KDM4C: variants seen among roughly 807,000 people sequenced by gnomAD.
KDM4C encodes the protein lysine demethylase 4C.
In KDM4C, 81 loss-of-function variants were observed where a neutral mutation model predicts 129.3. The observed-to-expected ratio is 0.63, with a 90% confidence interval of 0.52 to 0.75. The LOEUF (loss-of-function observed/expected upper bound fraction) is 0.75. Among genes scored for constraint, KDM4C ranks in the 30% least tolerant of loss-of-function variants. The pLI is 0.00. For missense variants in KDM4C, 1,457 were observed against 1,304.0 expected, an observed-to-expected ratio of 1.12 and a Z score of -1.81; for synonymous variants, 573 against 456.1, an observed-to-expected ratio of 1.26 and a Z score of -3.26.
intron 1 of KDM4C, among the ~76,000 whole-genome samples, chr9:6,744,064 T>TA (rs1165438925): frequency 1.9e-5 from 2 of 103,632 alleles, no homozygotes; most frequent in African/African-American, 7.6e-5. Context: ...CAGTTCTATG[T>TA]AAAAAATCAG....
At chr9:6,841,646 G>C (rs1836932500) in intron 4 of KDM4C, among the ~76,000 whole-genome samples, 1 of 152,178 alleles carries the variant, frequency 6.6e-6, no homozygotes, top group Non-Finnish European at 1.5e-5. Context: ...AGTTGGAAGT[G>C]TTTCAGTAAT....
intron 20 of KDM4C, among the ~76,000 whole-genome samples, chr9:7,166,791 G>T (rs10976083): frequency 0.16 from 23,788 of 152,136 alleles, 2,015 homozygotes; most frequent in Middle Eastern, 0.2. Context: ...TAATCAGTGT[G>T]TTAACTTCAG....
intron 4 of KDM4C, chr9:6,835,066 T>C (rs760436096): frequency 4.2e-5 from 40 of 958,904 alleles, no homozygotes; most frequent in Non-Finnish European, 6.7e-5. Flanking sequence ...CACGGCTGAG[T>C]GGGATATCGT....
chr9:6,914,157 T>C (rs552735302), intron 8 of KDM4C, among the ~76,000 whole-genome samples: 15 of 152,326 alleles, frequency 9.8e-5, no homozygotes, highest in African/African-American at 3.4e-4. Context: ...CTTCCCAGGT[T>C]CAAGCGATTC....
chr9:6,911,166 C>G (rs903595118), intron 8 of KDM4C, among the ~76,000 whole-genome samples: 2 of 151,778 alleles, frequency 1.3e-5, no homozygotes, highest in Non-Finnish European at 2.9e-5. Flanking sequence ...ACTTAATTTA[C>G]TTAAAATTAT....
At chr9:6,790,215 A>G (rs1037407979) in intron 1 of KDM4C, among the ~76,000 whole-genome samples, 4 of 151,344 alleles carry the variant, frequency 2.6e-5, no homozygotes, top group African/African-American at 9.7e-5. Flanking sequence ...AACTTTCTTT[A>G]AACAAATAAT....
At chr9:6,882,893 C>T (rs1188024098) in intron 6 of KDM4C, among the ~76,000 whole-genome samples, 2 of 151,736 alleles carry the variant, frequency 1.3e-5, no homozygotes, top group African/African-American at 2.4e-5. Flanking sequence ...GGTCATAGCC[C>T]GATTTGCAGA....
chr9:7,027,457 G>T (rs1193863270), intron 15 of KDM4C, among the ~76,000 whole-genome samples: 1 of 152,158 alleles, frequency 6.6e-6, no homozygotes, highest in Non-Finnish European at 1.5e-5. Context: ...TGTTTGTTCT[G>T]AGCCATGTGG....
chr9:6,908,739 G>C (rs1251108475), intron 8 of KDM4C, among the ~76,000 whole-genome samples: 1 of 152,126 alleles, frequency 6.6e-6, no homozygotes, highest in Non-Finnish European at 1.5e-5. Context: ...GTGGTAAAGA[G>C]AGGACATTTA....
chr9:6,820,949 C>T (rs189335643), intron 4 of KDM4C, among the ~76,000 whole-genome samples: 22 of 151,604 alleles, frequency 1.5e-4, no homozygotes, highest in Non-Finnish European at 2.7e-4. Context: ...CAATTCCCAC[C>T]TATGAGTAAG....
intron 1 of KDM4C, among the ~76,000 whole-genome samples, chr9:6,752,250 G>T (rs548024341): frequency 7.2e-6 from 1 of 139,020 alleles, no homozygotes; most frequent in East Asian, 2.3e-4. Flanking sequence ...GGAGAATGGC[G>T]TGAACCCGGG....
chr9:6,763,034 G>C (rs1053327596), intron 1 of KDM4C, among the ~76,000 whole-genome samples: 32 of 150,314 alleles, frequency 2.1e-4, no homozygotes, highest in African/African-American at 7.9e-4. Flanking sequence ...TTCCGCTGGT[G>C]GGGGGGGATG....
chr9:6,784,551 A>G (rs1314595251), intron 1 of KDM4C, among the ~76,000 whole-genome samples: 1 of 152,106 alleles, frequency 6.6e-6, no homozygotes, highest in African/African-American at 2.4e-5. Flanking sequence ...CTTTATAGCA[A>G]AAGAAAAGAG....
chr9:7,079,875 G>A (rs577682082), intron 17 of KDM4C, among the ~76,000 whole-genome samples: 2 of 152,132 alleles, frequency 1.3e-5, no homozygotes, highest in Non-Finnish European at 2.9e-5. Flanking sequence ...AGCTTGATCT[G>A]CATGAGAGTG....
intron 4 of KDM4C, among the ~76,000 whole-genome samples, chr9:6,838,293 A>G (rs1006132240): frequency 6.6e-6 from 1 of 152,100 alleles, no homozygotes; most frequent in African/African-American, 2.4e-5. Context: ...TTTGTTCATT[A>G]TTTGCGCTAT....
At chr9:6,747,213 C>CCAAA (rs1420830100) in intron 1 of KDM4C, among the ~76,000 whole-genome samples, 1 of 138,224 alleles carries the variant, frequency 7.2e-6, no homozygotes, top group Non-Finnish European at 1.5e-5. Flanking sequence ...AACCAACCAA[C>CCAAA]CAACCAACCA....
chr9:7,031,555 G>A (rs778339316), intron 15 of KDM4C, among the ~76,000 whole-genome samples: 4 of 152,018 alleles, frequency 2.6e-5, no homozygotes, highest in Non-Finnish European at 5.9e-5. Flanking sequence ...TACAAAGAAT[G>A]GAATATACAA....
intron 8 of KDM4C, among the ~76,000 whole-genome samples, chr9:6,930,225 C>G (rs1258653404): frequency 6.6e-6 from 1 of 152,066 alleles, no homozygotes; most frequent in Non-Finnish European, 1.5e-5. Flanking sequence ...CCAGGGTGGC[C>G]ACAGGTAGGT....
chr9:6,781,848 C>G (rs986824690), intron 1 of KDM4C, among the ~76,000 whole-genome samples: 1 of 150,830 alleles, frequency 6.6e-6, no homozygotes, highest in Non-Finnish European at 1.5e-5. Flanking sequence ...GAGACAGAAC[C>G]TCACTCTTGT....
Sources: gnomAD v4.1 joint callset for allele counts (sites outside exome capture counted in the v4.1 genomes callset) on GRCh38, gnomAD v4.1.1 for gene constraint, MANE v1.5 for transcripts, NCBI Gene and HGNC (gene_info 2026-07-23, HGNC 2026-07-21) for gene names.